Variants in GIMD1 observed in about 807,000 individuals in gnomAD.
GIMD1 encodes GTPase IMAP family member GIMD1.
In GIMD1, 14 loss-of-function variants were observed where a neutral mutation model predicts 14.9. The observed-to-expected ratio is 0.94, with a 90% CI of 0.62 to 1.47. The LOEUF (loss-of-function observed/expected upper bound fraction) is 1.47, where lower values mean the gene tolerates loss of function less well. Ranked by LOEUF, GIMD1 falls within the 40% of genes most tolerant of loss-of-function variation. GIMD1 has a pLI of 0.00. For synonymous variants in GIMD1, 91 were observed against 90.5 expected, an observed-to-expected ratio of 1.01 and a Z score of -0.03; for missense variants, 272 against 255.3, an observed-to-expected ratio of 1.07 and a Z score of -0.44.
At chr4:106,363,992 T>C (rs1212379687) in intron 2 of GIMD1, among the ~76,000 whole-genome samples, 1 of 151,978 alleles carries the variant, frequency 6.6e-6, no homozygotes, top group African/African-American at 2.4e-5. Flanking sequence ...ATATCTTCTC[T>C]GATTCATTAT....
At chr4:106,366,296 C>T (rs574324634) in intron 2 of GIMD1, among the ~76,000 whole-genome samples, 1 of 152,242 alleles carries the variant, frequency 6.6e-6, no homozygotes, top group Non-Finnish European at 1.5e-5. Flanking sequence ...TCTTATGAAA[C>T]CCCCTCTTTT....
chr4:106,365,605 C>A (rs1277093625), intron 2 of GIMD1, among the ~76,000 whole-genome samples: 2 of 152,084 alleles, frequency 1.3e-5, no homozygotes, highest in African/African-American at 4.8e-5. Context: ...CAGAAAAGAT[C>A]TGTTCACCAT....
In GIMD1 at chr4:106,368,775, A is replaced by G. The variant is rs1770746075; in HGVS notation, c.-68T>C. 2 of 398,332 alleles carry G rather than the reference A, an allele frequency of 5.0e-6. No homozygotes were observed. The highest frequency in any genetic ancestry group is 8.9e-6 in the Non-Finnish European group (2 of 225,968). The allele number at this position is 398,332 out of a possible 1,614,324, so 24.7% of individuals were successfully genotyped here. A position where few individuals can be genotyped will look rare whatever the true frequency, so the allele number is the denominator to read the frequency against. Reference sequence around the variant, plus strand: ...CTCGCCCTGGCACAGTTGTTCTTTCATATGAACTTTCACCTTCTGATAGCG... The same window carrying G: ...CTCGCCCTGGCACAGTTGTTCTTTCGTATGAACTTTCACCTTCTGATAGCG... On this transcript the variant is annotated 5_prime_UTR_variant, in exon 1 of 3. An upstream start codon of the reference 5' UTR is lost. Transcript: ENST00000638719.
At chr4:106,365,753 G>C (rs1298292557) in intron 2 of GIMD1, among the ~76,000 whole-genome samples, 3 of 152,092 alleles carry the variant, frequency 2.0e-5, no homozygotes. Context: ...TCAACAGATT[G>C]AATAGAATAG....
intron 2 of GIMD1, 111 bp from the exon 3 acceptor site, chr4:106,358,554 T>C: frequency 1.3e-6 from 1 of 772,712 alleles, no homozygotes; most frequent in Non-Finnish European, 1.9e-6. Flanking sequence ...ATTATTATGT[T>C]TCTGAAAGCT....
chr4:106,368,506 C>T (rs962192255), intron 1 of GIMD1, among the ~76,000 whole-genome samples: 5 of 152,178 alleles, frequency 3.3e-5, no homozygotes, highest in Non-Finnish European at 5.9e-5. Context: ...CACACGCTAA[C>T]GTGAACACCT....
rs113023082 is a variant in GIMD1 at position 106,367,255 on chromosome 4, G to C, written c.181C>G (p.Arg61Gly). 7 of 1,535,698 alleles carry C rather than the reference G, an allele frequency of 4.6e-6. No individual in the cohort carries two copies. The highest frequency in any genetic ancestry group is 6.1e-6 in the Non-Finnish European group (7 of 1,146,618). The change falls in exon 2 of 3, where the codon CGA becomes GGA. Residue 61 changes from arginine to glycine, a missense_variant. Coordinates refer to ENST00000638719, the MANE Select transcript of GIMD1 (RefSeq NM_001195138.2). ...TGCAGGGCTACCTCTAGCCCACCTC[G>C]ACGCATGAAGCTGTGGAGGTGACAA... is the stretch of plus-strand genomic sequence containing the variant. ...RSCHLHSFMR[R>G]GGLEVALQVQ...
At chr4:106,359,295 C>T (rs1561039643) in intron 2 of GIMD1, among the ~76,000 whole-genome samples, 1 of 151,868 alleles carries the variant, frequency 6.6e-6, no homozygotes, top group East Asian at 1.9e-4. Flanking sequence ...ACATTACCTC[C>T]ATTCCGAACA....
At chr4:106,365,657 G>A (rs546931044) in intron 2 of GIMD1, among the ~76,000 whole-genome samples, 1 of 152,018 alleles carries the variant, frequency 6.6e-6, no homozygotes, top group African/African-American at 2.4e-5. Flanking sequence ...TAGACCTGGT[G>A]TCTCTGAGCT....
chr4:106,363,426 CTT>C (rs1416682711), intron 2 of GIMD1, among the ~76,000 whole-genome samples: 1 of 152,106 alleles, frequency 6.6e-6, no homozygotes, highest in African/African-American at 2.4e-5. Context: ...TCTATGCTAT[CTT>C]GCCCATATCC....
rs112168626 is a variant in GIMD1, at chr4:106,363,891, G to T, written c.393+3152C>A. Among the ~76,000 whole-genome samples, 22 of 138,884 alleles carry T rather than the reference G, an allele frequency of 1.6e-4. 1 individual carries two copies. The highest frequency in any genetic ancestry group is 3.0e-4 in the Non-Finnish European group (19 of 63,636). 91.1% of individuals were successfully genotyped at this position (138,884 alleles called of 152,430 possible). On this transcript the variant is annotated intron_variant, in intron 2 of 2. Transcript: ENST00000638719. ...AATACAGAATACCATAATGGGGGGG[G>T]GGGGGCGGAAATGGACCATAGGCAA...
At chr4:106,367,828 A>G (rs1373058342) in intron 1 of GIMD1, among the ~76,000 whole-genome samples, 1 of 151,018 alleles carries the variant, frequency 6.6e-6, no homozygotes, top group African/African-American at 2.4e-5. Flanking sequence ...AGCTAGCAGT[A>G]GTATTTAAAA....
intron 2 of GIMD1, among the ~76,000 whole-genome samples, 155 bp downstream of exon 2, chr4:106,366,888 G>T (rs1253118768): frequency 6.7e-6 from 1 of 149,526 alleles, no homozygotes; most frequent in Non-Finnish European, 1.5e-5. Context: ...CAATTCCTAG[G>T]TGACCAACAC....
chr4:106,365,627 T>C (rs1161815894), intron 2 of GIMD1, among the ~76,000 whole-genome samples: 2 of 152,056 alleles, frequency 1.3e-5, no homozygotes, highest in African/African-American at 2.4e-5. Context: ...CAGTATAAAG[T>C]TTAACTGTGG....
intron 2 of GIMD1, among the ~76,000 whole-genome samples, chr4:106,362,368 T>A (rs954960609): frequency 6.6e-6 from 1 of 152,120 alleles, no homozygotes; most frequent in African/African-American, 2.4e-5. Flanking sequence ...ATCATTACAG[T>A]TGATTGATAC....
rs140903589 is a variant in GIMD1, at chr4:106,367,542, G to C, written c.-2-105C>G. The stretch of plus-strand genomic sequence containing the variant: ...GCACTCCAAGTACGATTTTAGATTT[G>C]TTTTCCCTTCATTCGTAGTGACTAA... On this transcript the variant is annotated intron_variant, in intron 1 of 2. Transcript: ENST00000638719. 200 of 1,114,674 alleles carry C rather than the reference G, an allele frequency of 1.8e-4. No homozygotes were observed. The African/African-American group carries it at 2.8e-3, about 16-fold the overall frequency. The allele number at this position is 1,114,674 out of a possible 1,614,324, so 69.0% of individuals were successfully genotyped here.
chr4:106,361,334 G>A (rs1041942399), intron 2 of GIMD1, among the ~76,000 whole-genome samples: 5 of 152,016 alleles, frequency 3.3e-5, no homozygotes, highest in African/African-American at 9.7e-5. Flanking sequence ...AATTATGTTA[G>A]CATTATAAAG....
Position 106,366,969 on chromosome 4 carries a change from T to A in GIMD1, c.393+74A>T, listed in dbSNP as rs546482623. ...TATAATAATAATAATATTATTATTA[T>A]TATTATTATACTATTAGGATAATGT... On this transcript the variant is annotated intron_variant, in intron 2 of 2. Transcript: ENST00000638719. The A allele has an allele frequency of 5.7e-3, 2,089 of 366,482 alleles. 42 individuals are homozygous for A. The highest frequency in any genetic ancestry group is 0.04 in the African/African-American group (1,837 of 45,810). 22.7% of individuals were successfully genotyped at this position (366,482 alleles called of 1,614,324 possible). A position where few individuals can be genotyped will look rare whatever the true frequency, so the allele number is the denominator to read the frequency against.
In GIMD1 at chr4:106,358,612, T is replaced by C. The variant is rs1448192768; in HGVS notation, c.394-169A>G. 4.0e-5 allele frequency among the ~76,000 whole-genome samples: 6 copies of C among 151,874 alleles called. No individual in the cohort carries two copies. The East Asian group carries it at 1.2e-3, about 29-fold the overall frequency. On this transcript the variant is annotated intron_variant, in intron 2 of 2. Coordinates refer to ENST00000638719, the MANE Select transcript of GIMD1 (RefSeq NM_001195138.2). ...GACAGGGTCAAGTATTTTAAGTAAA[T>C]GGAGGGAAAAGGCTTGACTTTCTGA...
Sources: gnomAD v4.1 joint callset for allele counts (sites outside exome capture counted in the v4.1 genomes callset) on GRCh38, gnomAD v4.1.1 for gene constraint, MANE v1.5 for transcripts, NCBI Gene and HGNC (gene_info 2026-07-23, HGNC 2026-07-21) for gene names.